OR1J2: variants seen among roughly 807,000 people sequenced by gnomAD.
The protein encoded by OR1J2 is olfactory receptor family 1 subfamily J member 2.
For missense variants in OR1J2, 304 were observed against 246.1 expected (o/e 1.24, Z -1.57); for synonymous variants, 142 against 99.7 (o/e 1.42, Z -2.52).
the OR1J2 span, among the ~76,000 whole-genome samples, chr9:122,564,712 T>G: frequency 6.6e-6 from 1 of 152,200 alleles, no homozygotes; most frequent in African/African-American, 2.4e-5. Flanking sequence ...AATTAACATT[T>G]CCTGGTACCT....
chr9:122,541,075 C>T, the OR1J2 span, among the ~76,000 whole-genome samples: 1 of 152,132 alleles, frequency 6.6e-6, no homozygotes, highest in African/African-American at 2.4e-5. Context: ...ACTAGCTCAC[C>T]CCAGCTCTTA....
At chr9:122,562,174 C>A in the OR1J2 span, among the ~76,000 whole-genome samples, 3 of 152,230 alleles carry the variant, frequency 2.0e-5, no homozygotes, top group Non-Finnish European at 4.4e-5. Context: ...CACCAAGTCT[C>A]CCTGGCTCGG....
chr9:122,495,663 G>A, the OR1J2 span, among the ~76,000 whole-genome samples: 776 of 151,832 alleles, frequency 5.1e-3, 4 homozygotes, highest in Non-Finnish European at 8.5e-3. Flanking sequence ...CTTAATAATC[G>A]AACTCCTGAA....
the OR1J2 span, among the ~76,000 whole-genome samples, chr9:122,496,759 C>A: frequency 6.6e-6 from 1 of 152,094 alleles, no homozygotes; most frequent in Non-Finnish European, 1.5e-5. Flanking sequence ...CAAATGGTTG[C>A]ATTTTTTGAG....
chr9:122,495,756 G>C, the OR1J2 span, among the ~76,000 whole-genome samples: 4 of 152,100 alleles, frequency 2.6e-5, no homozygotes, highest in African/African-American at 9.7e-5. Flanking sequence ...GGGTGTTAAA[G>C]AACCTTGTTT....
chr9:122,527,345 T>G, the OR1J2 span: 1 of 1,151,054 alleles, frequency 8.7e-7, no homozygotes, highest in Non-Finnish European at 1.2e-6. Flanking sequence ...CTAGATTTCA[T>G]CTACAACTGT....
the OR1J2 span, among the ~76,000 whole-genome samples, chr9:122,483,214 C>A: frequency 6.6e-6 from 1 of 152,182 alleles, no homozygotes; most frequent in South Asian, 2.1e-4. Flanking sequence ...TTAAATATTT[C>A]TCATAAAATT....
the OR1J2 span, among the ~76,000 whole-genome samples, chr9:122,524,622 C>A: frequency 3.9e-5 from 6 of 152,216 alleles, no homozygotes; most frequent in African/African-American, 1.2e-4. Flanking sequence ...TTAAACCATA[C>A]CCAAACAGGA....
At chr9:122,454,860 T>G in the OR1J2 span, among the ~76,000 whole-genome samples, 3 of 152,240 alleles carry the variant, frequency 2.0e-5, no homozygotes, top group East Asian at 5.8e-4. Context: ...TATCTTTAAC[T>G]TTAGGTTTCT....
At chr9:122,556,820 G>A in the OR1J2 span, among the ~76,000 whole-genome samples, 1 of 152,274 alleles carries the variant, frequency 6.6e-6, no homozygotes, top group South Asian at 2.1e-4. Flanking sequence ...AGGCTATGTT[G>A]AATCTATTAA....
chr9:122,456,927 T>C, the OR1J2 span, among the ~76,000 whole-genome samples: 1 of 152,192 alleles, frequency 6.6e-6, no homozygotes, highest in African/African-American at 2.4e-5. Flanking sequence ...CGTGTGTATG[T>C]TCATTGCAGC....
At chr9:122,508,850 T>G (rs1828578440), upstream of OR1J2, among the ~76,000 whole-genome samples, 1 of 152,194 alleles carries the variant, frequency 6.6e-6, no homozygotes, top group Non-Finnish European at 1.5e-5. Flanking sequence ...AGGTCAGAAG[T>G]CTAAAATGGG....
chr9:122,529,560 C>T, the OR1J2 span, among the ~76,000 whole-genome samples: 2 of 152,178 alleles, frequency 1.3e-5, no homozygotes, highest in Admixed American at 6.5e-5. Context: ...TACCTTCTGT[C>T]GTATTTTTTG....
chr9:122,563,414 GA>G, the OR1J2 span, among the ~76,000 whole-genome samples: 1 of 152,086 alleles, frequency 6.6e-6, no homozygotes, highest in Non-Finnish European at 1.5e-5. Context: ...CTTCTTTTAA[GA>G]AATATCTATT....
At chr9:122,484,597 T>G in the OR1J2 span, among the ~76,000 whole-genome samples, 1 of 152,116 alleles carries the variant, frequency 6.6e-6, no homozygotes, top group African/African-American at 2.4e-5. Flanking sequence ...GTTCTTAACA[T>G]AAAGACACTA....
chr9:122,495,612 T>G, the OR1J2 span, among the ~76,000 whole-genome samples: 1 of 152,140 alleles, frequency 6.6e-6, no homozygotes, highest in Non-Finnish European at 1.5e-5. Context: ...TTTGATTTCT[T>G]TAAGTTGCAC....
At chr9:122,513,936 A>G (rs948742275), downstream of OR1J2, among the ~76,000 whole-genome samples, 3 of 152,226 alleles carry the variant, frequency 2.0e-5, no homozygotes, top group African/African-American at 7.2e-5. Flanking sequence ...AAGGCATTTC[A>G]TAGTCTTTAA....
the OR1J2 span, chr9:122,477,612 T>C: frequency 6.2e-7 from 1 of 1,613,996 alleles, no homozygotes; most frequent in Non-Finnish European, 8.5e-7. Flanking sequence ...CAGCAAAAAA[T>C]ATGAAAAAAT....
At chr9:122,579,716 C>T in the OR1J2 span, among the ~76,000 whole-genome samples, 1 of 152,116 alleles carries the variant, frequency 6.6e-6, no homozygotes, top group South Asian at 2.1e-4. Context: ...ATTAAGTCTA[C>T]ATTTTATTAT....
Sources: allele counts gnomAD v4.1 joint callset (sites outside exome capture counted in the v4.1 genomes callset), GRCh38; gene constraint gnomAD v4.1.1; transcripts MANE v1.5; gene names NCBI Gene and HGNC (gene_info 2026-07-23, HGNC 2026-07-21).